The following SYT2 variants were observed in gnomAD, a reference collection of about 807,000 sequenced individuals.
SYT2 encodes synaptotagmin 2.
In SYT2, 15 loss-of-function variants were observed where a neutral mutation model predicts 39.9. The observed-to-expected ratio is 0.38, with a 90% CI of 0.25 to 0.58. The LOEUF (loss-of-function observed/expected upper bound fraction) is 0.58, where lower values mean the gene tolerates loss of function less well. SYT2 is among the 20% of genes least tolerant of loss of function. The pLI is 0.70. For missense variants in SYT2, 389 were observed against 530.3 expected (o/e 0.73, Z 2.62); for synonymous variants, 181 against 204.5 (o/e 0.89, Z 0.98).
chr1:202,701,599 A>T (rs1352717151), intron 1 of SYT2, among the ~76,000 whole-genome samples: 1 of 152,234 alleles, frequency 6.6e-6, no homozygotes, highest in Non-Finnish European at 1.5e-5. Context: ...AGTGTGGAAG[A>T]ACACAAAGAC....
intron 1 of SYT2, among the ~76,000 whole-genome samples, chr1:202,615,984 C>T (rs1276722297): frequency 6.6e-6 from 1 of 152,096 alleles, no homozygotes; most frequent in Non-Finnish European, 1.5e-5. Context: ...TCCATGGCTA[C>T]CCCCGACTGC....
At chr1:202,651,928 T>C (rs1692202325) in intron 1 of SYT2, among the ~76,000 whole-genome samples, 1 of 152,108 alleles carries the variant, frequency 6.6e-6, no homozygotes, top group African/African-American at 2.4e-5. Flanking sequence ...CATGGTGGTG[T>C]GCACCTGTAG....
At chr1:202,672,549 T>C (rs1277732316) in intron 1 of SYT2, among the ~76,000 whole-genome samples, 1 of 151,446 alleles carries the variant, frequency 6.6e-6, no homozygotes, top group East Asian at 2.0e-4. Context: ...TAAGATTGTA[T>C]GTTATTGTAT....
Position 202,638,358 on chromosome 1 carries a change from T to C in SYT2, c.-17-32569A>G, listed in dbSNP as rs547281443. Among the ~76,000 whole-genome samples, 12 of 152,016 alleles carry C rather than the reference T, an allele frequency of 7.9e-5. No individual in the cohort carries two copies. The South Asian group carries it at 2.3e-3, about 29-fold the overall frequency. On this transcript the variant is annotated intron_variant, in intron 1 of 8. Coordinates refer to ENST00000367268, the MANE Select transcript of SYT2 (RefSeq NM_177402.5). The stretch of plus-strand genomic sequence containing the variant: ...GGAAGAAAAAAAAATATTCACAGCC[T>C]CTCTTGACCTGCCAAGGACTTTTTC...
At chr1:202,600,333 G>T in intron 7 of SYT2, 24 bp downstream of exon 7, 1 of 1,601,310 alleles carries the variant, frequency 6.2e-7, no homozygotes, top group South Asian at 1.1e-5. Context: ...GCCACCCAAT[G>T]GCAGCCAGAA....
chr1:202,608,348 C>G (rs1436735330), intron 1 of SYT2, among the ~76,000 whole-genome samples: 4 of 151,456 alleles, frequency 2.6e-5, no homozygotes, highest in Non-Finnish European at 5.9e-5. Context: ...GGTGCAACCA[C>G]TTACTACAGC....
At chr1:202,626,432 A>G (rs1413636516) in intron 1 of SYT2, among the ~76,000 whole-genome samples, 1 of 108,982 alleles carries the variant, frequency 9.2e-6, no homozygotes, top group Non-Finnish European at 1.7e-5. Flanking sequence ...TTTTTGAGAC[A>G]GGGTCTCACT....
chr1:202,599,101 C>T lies in SYT2; in HGVS notation c.1053+117G>A. ...CAGGCACCATTAGACCTCGAGCCTT[C>T]CCCTACCAAGAAAGGCTGTTCCATG... is the stretch of plus-strand genomic sequence containing the variant. On this transcript the variant is annotated intron_variant, in intron 8 of 8. Coordinates refer to ENST00000367268, the MANE Select transcript of SYT2 (RefSeq NM_177402.5). This position sits in a 1 kb window ranked among gnomAD's most constrained non-coding sequence, Gnocchi z 4.4. 7.1e-7 allele frequency: 1 copy of T among 1,415,728 alleles called. No individual in the cohort carries two copies. Among genetic ancestry groups the T allele is most frequent in the African/African-American group, 1.5e-5 (1 of 67,854 alleles). 87.7% of individuals were successfully genotyped at this position (1,415,728 alleles called of 1,614,324 possible). A position where few individuals can be genotyped will look rare whatever the true frequency, so the allele number is the denominator to read the frequency against.
chr1:202,648,170 A>AATT (rs1692125615), intron 1 of SYT2, among the ~76,000 whole-genome samples: 1 of 152,184 alleles, frequency 6.6e-6, no homozygotes, highest in South Asian at 2.1e-4. Flanking sequence ...GGCACAGTAA[A>AATT]TGTTAGCTGT....
At chr1:202,665,875 C>T (rs1198017842) in intron 1 of SYT2, among the ~76,000 whole-genome samples, 10 of 152,126 alleles carry the variant, frequency 6.6e-5, no homozygotes, top group East Asian at 1.9e-4. Flanking sequence ...GCTAACTAGC[C>T]GGGCGCTGTG....
chr1:202,665,479 G>A (rs2149107328), intron 1 of SYT2, among the ~76,000 whole-genome samples: 1 of 152,284 alleles, frequency 6.6e-6, no homozygotes, highest in Non-Finnish European at 1.5e-5. Context: ...GTTTCTTCTG[G>A]ACTAAAGCAA....
chr1:202,657,165 A>G (rs955662131), intron 1 of SYT2, among the ~76,000 whole-genome samples: 1 of 152,226 alleles, frequency 6.6e-6, no homozygotes, highest in African/African-American at 2.4e-5. Context: ...GGTCAGACTG[A>G]GGCTGAGCCA....
chr1:202,639,389 G>A, intron 1 of SYT2: 1 of 397,048 alleles, frequency 2.5e-6, no homozygotes, highest in Non-Finnish European at 3.4e-6. Flanking sequence ...GCGTTGGATT[G>A]AGGGTCTACA....
At chr1:202,630,001 A>G (rs1479486600) in intron 1 of SYT2, among the ~76,000 whole-genome samples, 1 of 152,032 alleles carries the variant, frequency 6.6e-6, no homozygotes, top group Non-Finnish European at 1.5e-5. Context: ...AAATATCAGC[A>G]TTTGGAGGAT....
chr1:202,663,872 C>T (rs1692434977), intron 1 of SYT2, among the ~76,000 whole-genome samples: 1 of 152,140 alleles, frequency 6.6e-6, no homozygotes, highest in South Asian at 2.1e-4. Context: ...AACGGATGCT[C>T]CTTTCTCTGG....
chr1:202,641,241 T>G (rs1170241130), intron 1 of SYT2, among the ~76,000 whole-genome samples: 1 of 152,212 alleles, frequency 6.6e-6, no homozygotes, highest in Non-Finnish European at 1.5e-5. Flanking sequence ...TGTCTCAATT[T>G]GTCTCGACTC....
intron 1 of SYT2, among the ~76,000 whole-genome samples, chr1:202,640,734 C>CAGAGAGAGAGAGAG (rs56979202): frequency 9.9e-5 from 9 of 90,746 alleles, no homozygotes; most frequent in South Asian, 8.9e-4. Context: ...TCCTAATGGT[C>CAGAGAGAGAGAGAG]AGAGAGAGAG....
intron 1 of SYT2, chr1:202,630,267 G>T: frequency 1.9e-6 from 1 of 520,560 alleles, no homozygotes; most frequent in South Asian, 8.2e-5. Flanking sequence ...AGCAGAAAGA[G>T]CTGGGGGCTG....
At chr1:202,626,958 T>C (rs1691434516) in intron 1 of SYT2, among the ~76,000 whole-genome samples, 1 of 152,188 alleles carries the variant, frequency 6.6e-6, no homozygotes, top group African/African-American at 2.4e-5. Flanking sequence ...AAATACTCAT[T>C]TCCTTTCCTC....
Sources: gnomAD v4.1 joint callset for allele counts (sites outside exome capture counted in the v4.1 genomes callset) on GRCh38, gnomAD v4.1.1 for gene constraint, Gnocchi (gnomAD v3.1) non-coding constraint, MANE v1.5 for transcripts, NCBI Gene and HGNC (gene_info 2026-07-23, HGNC 2026-07-21) for gene names.